NKAIN3: variants seen among roughly 807,000 people sequenced by gnomAD.
The protein encoded by NKAIN3 is sodium/potassium-transporting ATPase subunit beta-1-interacting protein 3.
Under a neutral mutation model 30.2 loss-of-function variants are expected in NKAIN3, and 25 were observed. The observed-to-expected ratio is 0.83, with a 90% CI of 0.60 to 1.16. The LOEUF (loss-of-function observed/expected upper bound fraction) is 1.16, where lower values mean the gene tolerates loss of function less well. NKAIN3 is among the 50% of genes most tolerant of loss of function. NKAIN3 has a pLI of 0.00. For missense variants in NKAIN3, 225 were observed against 254.1 expected (o/e 0.89, Z 0.78); for synonymous variants, 91 against 89.6 (o/e 1.02, Z -0.09).
At chr8:62,737,724 G>C (rs1197190294) in intron 3 of NKAIN3, among the ~76,000 whole-genome samples, 1 of 152,124 alleles carries the variant, frequency 6.6e-6, no homozygotes, top group African/African-American at 2.4e-5. Context: ...TATTTTTTTA[G>C]TCAGAATTGT....
chr8:62,490,302 G>A (rs1807027535), intron 1 of NKAIN3, among the ~76,000 whole-genome samples: 1 of 152,136 alleles, frequency 6.6e-6, no homozygotes, highest in South Asian at 2.1e-4. Context: ...ATGCCCATGG[G>A]TCCTAACCTG....
chr8:62,462,110 C>T (rs527516337), intron 1 of NKAIN3, among the ~76,000 whole-genome samples: 20 of 152,116 alleles, frequency 1.3e-4, no homozygotes, highest in African/African-American at 4.1e-4. Flanking sequence ...GGACAAAGAG[C>T]GTGGGCAGGT....
At chr8:62,718,655 A>T (rs1814983360) in intron 3 of NKAIN3, among the ~76,000 whole-genome samples, 1 of 152,222 alleles carries the variant, frequency 6.6e-6, no homozygotes, top group Non-Finnish European at 1.5e-5. Context: ...CCAATTCTTG[A>T]TTCCAATGTC....
At chr8:62,641,636 T>C (rs1812310291) in intron 3 of NKAIN3, among the ~76,000 whole-genome samples, 1 of 152,146 alleles carries the variant, frequency 6.6e-6, no homozygotes, top group Non-Finnish European at 1.5e-5. Context: ...TTCCTGGGCA[T>C]TCAGATGCTA....
At chr8:62,653,937 T>C (rs964829691) in intron 3 of NKAIN3, among the ~76,000 whole-genome samples, 1 of 152,172 alleles carries the variant, frequency 6.6e-6, no homozygotes, top group Admixed American at 6.6e-5. Context: ...GTTCTAACCA[T>C]GGTTTTAATC....
At chr8:62,517,276 A>C (rs1808021084) in intron 1 of NKAIN3, among the ~76,000 whole-genome samples, 1 of 152,182 alleles carries the variant, frequency 6.6e-6, no homozygotes. Flanking sequence ...GGTATTAATA[A>C]GAATAGTATA....
chr8:62,863,345 T>G (rs1243918930), intron 4 of NKAIN3: 3 of 1,546,938 alleles, frequency 1.9e-6, no homozygotes, highest in Non-Finnish European at 1.8e-6. Context: ...TGCCCCTCAG[T>G]GGTCTCAGCT....
At chr8:62,575,164 A>G (rs1810070783) in intron 1 of NKAIN3, among the ~76,000 whole-genome samples, 1 of 152,138 alleles carries the variant, frequency 6.6e-6, no homozygotes, top group Non-Finnish European at 1.5e-5. Flanking sequence ...CAAATTGGGA[A>G]GGAAGAAGTC....
intron 1 of NKAIN3, among the ~76,000 whole-genome samples, chr8:62,269,988 A>G (rs1031581494): frequency 1.3e-5 from 2 of 152,166 alleles, no homozygotes; most frequent in African/African-American, 2.4e-5. Flanking sequence ...AATGAAAACA[A>G]TTTACTTAAT....
rs781100966 is a variant in NKAIN3 at position 62,904,756 on chromosome 8, A to G, written c.472-13697A>G. On this transcript the variant is annotated intron_variant, in intron 4 of 6. Coordinates refer to ENST00000623646, the MANE Select transcript of NKAIN3 (RefSeq NM_001304533.3). ...AAGCATTTGATGAAACATTCTTCTT[A>G]GCAGGCAGTGCTAAGTGTTAGAAAT... 4.6e-5 allele frequency among the ~76,000 whole-genome samples: 7 copies of G among 152,366 alleles called. 1 individual carries two copies. Among genetic ancestry groups the G allele is most frequent in the Middle Eastern group, 6.8e-3 (2 of 294 alleles).
intron 1 of NKAIN3, among the ~76,000 whole-genome samples, chr8:62,342,612 A>G (rs1054589987): frequency 3.3e-5 from 5 of 151,910 alleles, no homozygotes; most frequent in African/African-American, 1.2e-4. Context: ...GCACAAAGGA[A>G]CTCTTAGGGC....
chr8:62,623,341 G>C (rs539564584), intron 3 of NKAIN3, among the ~76,000 whole-genome samples: 1 of 152,002 alleles, frequency 6.6e-6, no homozygotes, highest in Non-Finnish European at 1.5e-5. Flanking sequence ...AACCACCATA[G>C]CATTTTCTTC....
chr8:62,591,220 G>T (rs1028318836), intron 3 of NKAIN3, among the ~76,000 whole-genome samples: 1 of 151,814 alleles, frequency 6.6e-6, no homozygotes, highest in Admixed American at 6.6e-5. Context: ...TTAGACCAGA[G>T]AAATTTGTCC....
At chr8:62,370,354 G>A (rs1188473897) in intron 1 of NKAIN3, among the ~76,000 whole-genome samples, 3 of 151,968 alleles carry the variant, frequency 2.0e-5, no homozygotes, top group African/African-American at 7.2e-5. Flanking sequence ...GATTCAGCCA[G>A]TCCTACGCGA....
chr8:62,308,822 T>C (rs1436321137), intron 1 of NKAIN3, among the ~76,000 whole-genome samples: 1 of 150,414 alleles, frequency 6.6e-6, no homozygotes, highest in Non-Finnish European at 1.5e-5. Context: ...AAATAGAAAT[T>C]TCAGAACTGC....
chr8:62,451,603 G>T (rs943197229), intron 1 of NKAIN3, among the ~76,000 whole-genome samples: 3 of 152,114 alleles, frequency 2.0e-5, no homozygotes, highest in Non-Finnish European at 2.9e-5. Flanking sequence ...AAAACATTTT[G>T]TAGAAGCCTA....
At chr8:62,449,528 T>C (rs1374200713) in intron 1 of NKAIN3, among the ~76,000 whole-genome samples, 2 of 152,100 alleles carry the variant, frequency 1.3e-5, no homozygotes, top group Non-Finnish European at 2.9e-5. Flanking sequence ...TCCTTATGTT[T>C]CATTGAGTTC....
intron 3 of NKAIN3, among the ~76,000 whole-genome samples, chr8:62,655,392 C>A (rs1812735970): frequency 6.6e-6 from 1 of 151,898 alleles, no homozygotes; most frequent in Non-Finnish European, 1.5e-5. Flanking sequence ...GACTTTGATT[C>A]CAGGATAGAG....
At chr8:62,867,465 A>T (rs1372568230) in intron 4 of NKAIN3, among the ~76,000 whole-genome samples, 4 of 151,920 alleles carry the variant, frequency 2.6e-5, no homozygotes, top group African/African-American at 9.7e-5. Context: ...GAATGAAACT[A>T]AAAAAAGACA....
Sources: gnomAD v4.1 joint callset for allele counts (sites outside exome capture counted in the v4.1 genomes callset) on GRCh38, gnomAD v4.1.1 for gene constraint, MANE v1.5 for transcripts, NCBI Gene and HGNC (gene_info 2026-07-23, HGNC 2026-07-21) for gene names.